Variants in SLC2A9 observed in about 807,000 individuals in gnomAD.
The protein encoded by SLC2A9 is solute carrier family 2, facilitated glucose transporter member 9.
SLC2A9 carries 39 observed loss-of-function variants against 50.6 expected under a neutral mutation model. The ratio of observed to expected loss-of-function variants is 0.77; its 90% CI spans 0.60 to 1.01. SLC2A9 has a LOEUF of 1.01. Ranked by LOEUF, SLC2A9 falls within the 50% of genes least tolerant of loss-of-function variation. SLC2A9 has a pLI of 0.00. For synonymous variants in SLC2A9, 324 were observed against 276.9 expected (o/e 1.17, Z -1.69); for missense variants, 686 against 677.6 (o/e 1.01, Z -0.14).
At chr4:9,887,511 G>A in intron 10 of SLC2A9, 56 bp downstream of exon 10, 2 of 1,507,402 alleles carry the variant, frequency 1.3e-6, no homozygotes, top group Admixed American at 4.0e-5. Flanking sequence ...GAGCCCCCCA[G>A]CTTGGTGATG....
downstream of SLC2A9, among the ~76,000 whole-genome samples, chr4:9,796,065 G>C (rs1365827871): frequency 6.6e-6 from 1 of 152,160 alleles, no homozygotes; most frequent in Admixed American, 6.5e-5. Context: ...CATGTGGCAC[G>C]GCTGAGATTC....
At chr4:9,867,621 T>C (rs1381895225) in intron 10 of SLC2A9, among the ~76,000 whole-genome samples, 1 of 152,170 alleles carries the variant, frequency 6.6e-6, no homozygotes, top group Non-Finnish European at 1.5e-5. Flanking sequence ...ATAAGCCCCT[T>C]TCCCTCGCCC....
chr4:10,017,757 G>A (rs746198103), intron 2 of SLC2A9, among the ~76,000 whole-genome samples: 1 of 152,148 alleles, frequency 6.6e-6, no homozygotes, highest in Non-Finnish European at 1.5e-5. Flanking sequence ...TGTGCTCCAA[G>A]AACCTGGAGC....
At chr4:9,979,599 C>T (rs1397664645) in intron 5 of SLC2A9, among the ~76,000 whole-genome samples, 1 of 152,080 alleles carries the variant, frequency 6.6e-6, no homozygotes. Flanking sequence ...CCTTCCCTTA[C>T]CATGTGTACC....
At chr4:9,915,155 C>T (rs118003861) in intron 7 of SLC2A9, among the ~76,000 whole-genome samples, 2 of 152,318 alleles carry the variant, frequency 1.3e-5, no homozygotes, top group East Asian at 3.9e-4. Context: ...GGAACCATAG[C>T]CTCCCTGGTG....
rs1738060781 is a variant in SLC2A9 at position 9,894,039 on chromosome 4, G to A, written c.1114-3328C>T. The stretch of plus-strand genomic sequence containing the variant: ...GGGATAGATGCTGTTTTACACCAAG[G>A]GGCAGTTGCAAACGTCCACACCCTT... On this transcript the variant is annotated intron_variant, in intron 8 of 11. Transcript: ENST00000264784. Among the ~76,000 whole-genome samples the A allele has an allele frequency of 2.0e-5, 3 of 152,142 alleles. No individual in the cohort carries two copies. In the South Asian group the frequency reaches 6.2e-4, roughly 32 times the overall value.
At chr4:10,006,071 A>G (rs559234184) in intron 2 of SLC2A9, among the ~76,000 whole-genome samples, 3 of 152,274 alleles carry the variant, frequency 2.0e-5, no homozygotes, top group Admixed American at 6.5e-5. Context: ...TTTTACTGCT[A>G]TATTTGTAAA....
intron 10 of SLC2A9, among the ~76,000 whole-genome samples, chr4:9,843,537 T>C (rs1728438751): frequency 6.6e-6 from 1 of 152,090 alleles, no homozygotes; most frequent in East Asian, 1.9e-4. Context: ...GTTTGGAGCA[T>C]GCTGCTTGAA....
Position 9,835,666 on chromosome 4 carries a change from C to T in SLC2A9, c.1292-658G>A, listed in dbSNP as rs981949834. ...AAAGCAACATGTCCTTGCTTTCATGCGGAACCCTTGTCTGCTGGGATGACT... is the reference window on the plus strand; with the variant it reads ...AAAGCAACATGTCCTTGCTTTCATGTGGAACCCTTGTCTGCTGGGATGACT... On this transcript the variant is annotated intron_variant, in intron 10 of 11. Transcript: ENST00000264784. Among the ~76,000 whole-genome samples, 5 of 152,288 alleles carry T rather than the reference C, an allele frequency of 3.3e-5. No individual in the cohort carries two copies. In the East Asian group the frequency reaches 5.8e-4, roughly 18 times the overall value.
intron 5 of SLC2A9, among the ~76,000 whole-genome samples, chr4:9,964,182 G>T (rs185630871): frequency 1.3e-5 from 2 of 152,296 alleles, no homozygotes; most frequent in African/African-American, 4.8e-5. Flanking sequence ...GTATACAAAA[G>T]AGTCTGAAAT....
chr4:9,787,407 G>A (rs1461654394), intron 3 of SLC2A9, among the ~76,000 whole-genome samples: 3 of 152,054 alleles, frequency 2.0e-5, no homozygotes, highest in East Asian at 1.9e-4. Context: ...CTTGCAACAC[G>A]GTACAAAGAA....
At chr4:10,031,470 G>A (rs1248184507) in intron 1 of SLC2A9, among the ~76,000 whole-genome samples, 1 of 152,222 alleles carries the variant, frequency 6.6e-6, no homozygotes, top group Non-Finnish European at 1.5e-5. Context: ...GAGATGCATT[G>A]TGTGTTCTCC....
At chr4:10,001,661 GAT>G (rs1244301825) in intron 2 of SLC2A9, among the ~76,000 whole-genome samples, 3 of 152,230 alleles carry the variant, frequency 2.0e-5, no homozygotes, top group Non-Finnish European at 1.5e-5. Context: ...CCAGGACACT[GAT>G]TCCTGAGCCT....
chr4:9,833,471 C>T (rs762983018), intron 11 of SLC2A9, among the ~76,000 whole-genome samples: 7 of 152,118 alleles, frequency 4.6e-5, no homozygotes, highest in Non-Finnish European at 8.8e-5. Context: ...GCTTCCTGGA[C>T]CTCCTTGCCT....
chr4:9,950,043 G>A (rs1749937030), intron 5 of SLC2A9, among the ~76,000 whole-genome samples: 1 of 152,132 alleles, frequency 6.6e-6, no homozygotes, highest in South Asian at 2.1e-4. Flanking sequence ...GGGAGCATGT[G>A]GCTGGTCGTG....
Position 9,934,815 on chromosome 4 carries a change from C to T in SLC2A9, c.814+7098G>A, listed in dbSNP as rs368594352. 8.4e-4 allele frequency among the ~76,000 whole-genome samples: 128 copies of T among 152,274 alleles called. 1 individual carries two copies. The Middle Eastern group carries it at 0.01, about 12-fold the overall frequency. On this transcript the variant is annotated intron_variant, in intron 6 of 11. Transcript: ENST00000264784. ...TCCTAATGCTCTCCCTCCCCTCAGC[C>T]CCTGCCCACAGGCCCTGGTGTGTGT... is the stretch of plus-strand genomic sequence containing the variant.
intron 5 of SLC2A9, among the ~76,000 whole-genome samples, chr4:9,960,108 G>C (rs915752465): frequency 1.3e-5 from 2 of 152,228 alleles, no homozygotes; most frequent in African/African-American, 4.8e-5. Flanking sequence ...AGTTATACAG[G>C]AGAGGAGCCT....
At chr4:9,874,192 T>C (rs1047207772) in intron 10 of SLC2A9, among the ~76,000 whole-genome samples, 12 of 152,082 alleles carry the variant, frequency 7.9e-5, no homozygotes, top group Admixed American at 6.5e-4. Context: ...TTCCTCCTTT[T>C]CCCTTTAGCT....
chr4:9,783,072 G>T, intron 3 of SLC2A9: 1 of 1,614,194 alleles, frequency 6.2e-7, no homozygotes, highest in African/African-American at 1.3e-5. Context: ...GTCTGGTTCG[G>T]CTGGGCTAAC....
Sources: gnomAD v4.1 joint callset for allele counts (sites outside exome capture counted in the v4.1 genomes callset) on GRCh38, gnomAD v4.1.1 for gene constraint, MANE v1.5 for transcripts, NCBI Gene and HGNC (gene_info 2026-07-23, HGNC 2026-07-21) for gene names.